Variants in SH3GL2 observed in about 807,000 individuals in gnomAD.
SH3GL2 encodes endophilin-A1.
Under a neutral mutation model 46.0 loss-of-function variants are expected in SH3GL2, and 24 were observed. The observed-to-expected ratio is 0.52, with a 90% CI of 0.38 to 0.73. The LOEUF (loss-of-function observed/expected upper bound fraction) is 0.73. Ranked by LOEUF, SH3GL2 falls within the 30% of genes least tolerant of loss-of-function variation. The probability of loss-of-function intolerance (pLI) is 0.00; values close to 1 mark genes in which losing one functional copy is unlikely to be tolerated. For missense variants in SH3GL2, 413 were observed against 424.2 expected (o/e 0.97, Z 0.23); for synonymous variants, 196 against 147.1 (o/e 1.33, Z -2.40).
At chr9:17,677,629 TATATATATATATATTTATAC>T in intron 1 of SH3GL2, among the ~76,000 whole-genome samples, 1 of 120,600 alleles carries the variant, frequency 8.3e-6, no homozygotes, top group Non-Finnish European at 1.8e-5. Context: ...GTATGGTATA[TATATATATATATATTTATAC>T]TTTAAGTTTT....
At chr9:17,771,404 G>A (rs950972293) in intron 3 of SH3GL2, among the ~76,000 whole-genome samples, 1 of 152,180 alleles carries the variant, frequency 6.6e-6, no homozygotes, top group African/African-American at 2.4e-5. Context: ...CTGGGGTACT[G>A]CAGCTCAACC....
intron 5 of SH3GL2, among the ~76,000 whole-genome samples, chr9:17,788,708 G>T (rs1170809531): frequency 1.3e-5 from 2 of 152,094 alleles, no homozygotes; most frequent in African/African-American, 2.4e-5. Flanking sequence ...CCCTTGGTAG[G>T]TCCCTTCCAA....
At chr9:17,657,733 C>T (rs869160487) in intron 1 of SH3GL2, among the ~76,000 whole-genome samples, 2 of 151,732 alleles carry the variant, frequency 1.3e-5, no homozygotes, top group African/African-American at 2.4e-5. Flanking sequence ...TTATCTGTAA[C>T]GGGAACAATA....
At chr9:17,618,044 G>T (rs1418639613) in intron 1 of SH3GL2, among the ~76,000 whole-genome samples, 1 of 152,158 alleles carries the variant, frequency 6.6e-6, no homozygotes, top group Non-Finnish European at 1.5e-5. Context: ...AGCAGAAGTT[G>T]CAGTTGGGAG....
At chr9:17,715,079 C>G (rs1300684933) in intron 1 of SH3GL2, among the ~76,000 whole-genome samples, 2 of 151,558 alleles carry the variant, frequency 1.3e-5, no homozygotes, top group Non-Finnish European at 3.0e-5. Flanking sequence ...ATTGCATATG[C>G]AGTATTCATA....
At chr9:17,711,250 T>C (rs1445071803) in intron 1 of SH3GL2, among the ~76,000 whole-genome samples, 1 of 151,978 alleles carries the variant, frequency 6.6e-6, no homozygotes. Context: ...CTAACTTAAA[T>C]ATATGACATA....
chr9:17,630,579 G>A (rs1251989098), intron 1 of SH3GL2: 3 of 152,176 alleles, frequency 2.0e-5, no homozygotes, highest in African/African-American at 7.2e-5. Flanking sequence ...AAAAGCAAAA[G>A]GCACATGCTA....
At position 17,796,119 on chromosome 9, in the gene SH3GL2, AT is replaced by A. The variant is rs1824269782; in HGVS notation, c.*379del. 1 of 180,090 alleles carries A rather than the reference AT, an allele frequency of 5.6e-6. No individual in the cohort carries two copies. Among genetic ancestry groups the A allele is most frequent in the South Asian group, 1.8e-4 (1 of 5,452 alleles). The allele number at this position is 180,090 out of a possible 1,614,324, so 11.2% of individuals were successfully genotyped here. On this transcript the variant is annotated 3_prime_UTR_variant, in exon 9 of 9. Coordinates refer to ENST00000380607, the MANE Select transcript of SH3GL2 (RefSeq NM_003026.5). ...AGGGGCCATCTGAAGGTCTCTTTGC[AT>A]TTCTCCATGCAAAGAGGAGAAAGCT...
intron 6 of SH3GL2, among the ~76,000 whole-genome samples, chr9:17,790,682 T>C (rs1824102144): frequency 6.6e-6 from 1 of 152,136 alleles, no homozygotes; most frequent in Non-Finnish European, 1.5e-5. Flanking sequence ...GAAATCAAGC[T>C]TAGAATATTA....
At chr9:17,665,977 C>G (rs1041813175) in intron 1 of SH3GL2, among the ~76,000 whole-genome samples, 1 of 150,514 alleles carries the variant, frequency 6.6e-6, no homozygotes, top group Non-Finnish European at 1.5e-5. Flanking sequence ...CAGTAGTCCT[C>G]CTTTCCATAT....
At chr9:17,644,994 A>T (rs1308600301) in intron 1 of SH3GL2, among the ~76,000 whole-genome samples, 1 of 151,950 alleles carries the variant, frequency 6.6e-6, no homozygotes, top group Admixed American at 6.6e-5. Flanking sequence ...TTGCTTTATT[A>T]ATCTGGGTGC....
At chr9:17,732,573 T>C (rs1012172076) in intron 1 of SH3GL2, among the ~76,000 whole-genome samples, 8 of 152,094 alleles carry the variant, frequency 5.3e-5, no homozygotes, top group Non-Finnish European at 1.2e-4. Context: ...TTTAAAATAC[T>C]GTCTAACAAG....
At position 17,613,471 on chromosome 9, in the gene SH3GL2, C is replaced by T. The variant is rs558809126; in HGVS notation, c.45+34184C>T. 3.3e-5 allele frequency among the ~76,000 whole-genome samples: 5 copies of T among 152,196 alleles called. No individual in the cohort carries two copies. In the South Asian group the frequency reaches 8.3e-4, roughly 25 times the overall value. On this transcript the variant is annotated intron_variant, in intron 1 of 8. Transcript: ENST00000380607. ...TTTTGGCAAGAAATCACATATTGTC[C>T]CTCCCCCAAGCAGTCTGTTCCCTGC...
intron 1 of SH3GL2, chr9:17,590,648 C>G (rs755286435): frequency 6.6e-6 from 1 of 152,122 alleles, no homozygotes; most frequent in Non-Finnish European, 1.5e-5. Flanking sequence ...GCTCATCGTC[C>G]CTATGTTCTA....
At chr9:17,765,566 C>A (rs1242605534) in intron 3 of SH3GL2, among the ~76,000 whole-genome samples, 1 of 152,144 alleles carries the variant, frequency 6.6e-6, no homozygotes, top group Admixed American at 6.5e-5. Flanking sequence ...GCTTTTCATG[C>A]CTTTAGGATT....
chr9:17,674,863 C>T (rs144828306), intron 1 of SH3GL2, among the ~76,000 whole-genome samples: 1 of 152,206 alleles, frequency 6.6e-6, no homozygotes, highest in Non-Finnish European at 1.5e-5. Flanking sequence ...TCTTTAGAGG[C>T]CCAGGCCCGG....
intron 1 of SH3GL2, among the ~76,000 whole-genome samples, chr9:17,728,424 C>G (rs1822079919): frequency 6.6e-6 from 1 of 152,036 alleles, no homozygotes; most frequent in South Asian, 2.1e-4. Flanking sequence ...CTTCTACTTA[C>G]AGATACTCTT....
chr9:17,653,004 C>T (rs757492856), intron 1 of SH3GL2, among the ~76,000 whole-genome samples: 17 of 152,058 alleles, frequency 1.1e-4, no homozygotes, highest in Admixed American at 2.6e-4. Context: ...AATAAAATTG[C>T]TTCATGGGGT....
intron 1 of SH3GL2, among the ~76,000 whole-genome samples, chr9:17,708,480 CAT>C (rs1198277242): frequency 1.3e-5 from 2 of 151,956 alleles, no homozygotes; most frequent in African/African-American, 4.8e-5. Flanking sequence ...CTTTTAAAAA[CAT>C]GTGAAGTGTG....
Sources: allele counts gnomAD v4.1 joint callset (sites outside exome capture counted in the v4.1 genomes callset), GRCh38; gene constraint gnomAD v4.1.1; transcripts MANE v1.5; gene names NCBI Gene and HGNC (gene_info 2026-07-23, HGNC 2026-07-21).